The following KRT81 variants were observed in gnomAD, a reference collection of about 807,000 sequenced individuals.
KRT81 encodes the protein keratin, type II cuticular Hb1.
KRT81 carries 35 observed loss-of-function variants against 35.8 expected under a neutral mutation model. The ratio of observed to expected loss-of-function variants is 0.98; its 90% confidence interval spans 0.75 to 1.30. KRT81 has a LOEUF of 1.30. KRT81 is among the 50% of genes most tolerant of loss of function. The pLI is 0.00. For synonymous variants in KRT81, 249 were observed against 251.2 expected (o/e 0.99, Z 0.08); for missense variants, 531 against 577.4 (o/e 0.92, Z 0.82).
rs1937965135 is a variant in KRT81 at position 52,287,014 on chromosome 12, G to A, written c.1247+88C>T. ...AATAATAATATTTTTTTCCCCCAGAGCCCTGGCCATTGCTCAGCCAAGGCC... is the reference window on the plus strand; with the variant it reads ...AATAATAATATTTTTTTCCCCCAGAACCCTGGCCATTGCTCAGCCAAGGCC... On this transcript the variant is annotated intron_variant, in intron 7 of 8. Coordinates refer to ENST00000327741, the MANE Select transcript of KRT81 (RefSeq NM_002281.4). 4 of 1,606,486 alleles carry A rather than the reference G, an allele frequency of 2.5e-6. No individual in the cohort carries two copies. In the Admixed American group the frequency reaches 6.7e-5, roughly 27 times the overall value.
chr12:52,286,996 A>G (rs991354798), intron 7 of KRT81, 106 bp downstream of exon 7: 158 of 1,595,758 alleles, frequency 9.9e-5, no homozygotes, highest in Non-Finnish European at 1.2e-4. Flanking sequence ...GTGAATAATA[A>G]TATTTTTTTC....
intron 8 of KRT81, 43 bp downstream of exon 8, chr12:52,286,748 A>G (rs1014690630): frequency 6.3e-7 from 1 of 1,595,782 alleles, no homozygotes; most frequent in African/African-American, 1.3e-5. Flanking sequence ...CCTCCATCAC[A>G]GGTAGTTAGT....
intron 4 of KRT81, 98 bp downstream of exon 4, chr12:52,288,263 A>G: frequency 6.2e-7 from 1 of 1,600,914 alleles, no homozygotes; most frequent in Non-Finnish European, 8.5e-7. Context: ...ACACAGCCTC[A>G]GGGACTGCAA....
At chr12:52,286,638 C>A in intron 8 of KRT81, 145 bp from the exon 9 acceptor site, 10 of 1,176,252 alleles carry the variant, frequency 8.5e-6, no homozygotes, top group Non-Finnish European at 1.1e-5. Context: ...AGTCCAAGAG[C>A]TGGGGTCTTT....
intron 3 of KRT81, 61 bp from the exon 4 acceptor site, chr12:52,288,517 T>C (rs958053872): frequency 2.5e-6 from 4 of 1,582,850 alleles, no homozygotes; most frequent in Non-Finnish European, 3.5e-6. Context: ...CAGACTCCTC[T>C]CTCTGCCCAT....
rs1243535753 is a variant in KRT81, at chr12:52,291,393, A to G, written c.73T>C (p.Cys25Arg). ...CGGTAGGGGGCGGCGGTGATGCAGC[A>G]GCGGCCGGGCCGCGGCCCGCAGGCC... Reference protein sequence around the residue: ...ISACGPRPGRCCITAAPYRGI... With the variant: ...ISACGPRPGRRCITAAPYRGI... The change falls in exon 1 of 9, where the codon TGC becomes CGC. Residue 25 changes from cysteine to arginine, a missense_variant. This residue lies in a region of KRT81 where 133 missense variants were observed against 125.9 expected (regional missense o/e 1.06). Coordinates refer to ENST00000327741, the MANE Select transcript of KRT81 (RefSeq NM_002281.4). The G allele has an allele frequency of 6.2e-7, 1 of 1,608,756 alleles. No individual in the cohort carries two copies. Among genetic ancestry groups the G allele is most frequent in the African/African-American group, 1.3e-5 (1 of 74,952 alleles).
intron 6 of KRT81, 91 bp downstream of exon 6, chr12:52,287,505 T>C: frequency 6.2e-7 from 1 of 1,611,278 alleles, no homozygotes; most frequent in Non-Finnish European, 8.5e-7. Context: ...GGGTGGAGAA[T>C]GAATGCTGAG....
rs1260810932 is a variant in KRT81 at position 52,286,984 on chromosome 12, A to C, written c.1247+118T>G. 9 of 1,579,262 alleles carry C rather than the reference A, an allele frequency of 5.7e-6. No individual in the cohort carries two copies. In the Admixed American group the frequency reaches 1.4e-4, roughly 24 times the overall value. ...CACACACCAGCCCTCCCCACACCGG[A>C]AGTGAATAATAATATTTTTTTCCCC... is the stretch of plus-strand genomic sequence containing the variant. On this transcript the variant is annotated intron_variant, in intron 7 of 8. Transcript: ENST00000327741.
At position 52,286,470 on chromosome 12, in the gene KRT81, C is replaced by T. The variant is rs768915549; in HGVS notation, c.1303G>A (p.Val435Ile). Reference protein sequence around the residue: ...NVCVSSSRGGVVCGDLCVSGS... With the variant: ...NVCVSSSRGGIVCGDLCVSGS... ...GACACGCAGAGGTCCCCGCACACGA[C>T]CCCGCCCCGGGAGCTGCTGACACCT... Residue 435 changes from valine (V) to isoleucine (I), a missense_variant, in exon 9 of 9, where the codon GTC (valine) becomes ATC (isoleucine). Val to Ile is a conservative substitution (Grantham distance 29). Coordinates refer to ENST00000327741, the MANE Select transcript of KRT81 (RefSeq NM_002281.4). 3 of 1,552,420 alleles carry T rather than the reference C, an allele frequency of 1.9e-6. No homozygotes were observed. The South Asian group carries it at 3.6e-5, about 18-fold the overall frequency.
intron 7 of KRT81, 117 bp from the exon 8 acceptor site, chr12:52,286,939 C>T: frequency 1.3e-6 from 2 of 1,512,820 alleles, no homozygotes; most frequent in South Asian, 2.3e-5. Context: ...TCTGAGGGAA[C>T]AGCTTGCCTC....
At position 52,291,251 on chromosome 12, in the gene KRT81, C is replaced by A. The variant is rs1938108181; in HGVS notation, c.215G>T (p.Gly72Val). 1 of 1,514,578 alleles carries A rather than the reference C, an allele frequency of 6.6e-7. No homozygotes were observed. 93.8% of individuals were successfully genotyped at this position (1,514,578 alleles called of 1,614,324 possible). ...GGTGGTGATGCATGGGGGACTGGGC[C>A]CGCACACGCCCCCGGAGCGGTAGCC... ...SFGYRSGGVCGPSPPCITTVS... is the reference protein window; with the variant it reads ...SFGYRSGGVCVPSPPCITTVS... Residue 72 changes from glycine (G) to valine (V), a missense_variant, in exon 1 of 9, where the codon GGG (glycine) becomes GTG (valine). By Grantham distance (109) the Gly-to-Val change is moderately radical. Coordinates refer to ENST00000327741, the MANE Select transcript of KRT81 (RefSeq NM_002281.4).
intron 7 of KRT81, 32 bp from the exon 8 acceptor site, chr12:52,286,854 T>C (rs1159063217): frequency 6.2e-7 from 1 of 1,612,814 alleles, no homozygotes; most frequent in Non-Finnish European, 8.5e-7. Context: ...GCAACATTAG[T>C]GACTGCCCCA....
chr12:52,289,048 C>G (rs1484099652), intron 3 of KRT81, among the ~76,000 whole-genome samples, 167 bp downstream of exon 3: 1 of 113,922 alleles, frequency 8.8e-6, no homozygotes, highest in East Asian at 2.5e-4. Flanking sequence ...TGCCCTTTGT[C>G]AAGGCCCTGG....
At chr12:52,287,507 A>G (rs1937986374) in intron 6 of KRT81, 89 bp downstream of exon 6, 6 of 1,611,662 alleles carry the variant, frequency 3.7e-6, no homozygotes, top group Non-Finnish European at 8.5e-7. Flanking sequence ...GTGGAGAATG[A>G]ATGCTGAGAT....
intron 3 of KRT81, among the ~76,000 whole-genome samples, 183 bp downstream of exon 3, chr12:52,289,022 GATATTCCCAA>G (rs1413817421): frequency 1.6e-5 from 2 of 126,690 alleles, no homozygotes; most frequent in East Asian, 4.6e-4. Context: ...GGTGCTGGTA[GATATTCCCAA>G]GTCATTGCCC....
At chr12:52,286,554 A>T (rs770792713) in intron 8 of KRT81, 61 bp from the exon 9 acceptor site, 134 of 1,496,362 alleles carry the variant, frequency 9.0e-5, no homozygotes, top group Non-Finnish European at 1.2e-4. Flanking sequence ...CTTCCTGACA[A>T]CCGCCCCTGC....
chr12:52,286,199 G>T lies in KRT81; in HGVS notation c.*56C>A. ...TGCTCCAGGCGCCTGGACTGGATGG[G>T]CCAAGCAAGGCAGGGCAGGAAAGAT... On this transcript the variant is annotated 3_prime_UTR_variant, in exon 9 of 9. Coordinates refer to ENST00000327741, the MANE Select transcript of KRT81 (RefSeq NM_002281.4). The T allele has an allele frequency of 6.9e-7, 1 of 1,454,126 alleles. No homozygotes were observed. The highest frequency in any genetic ancestry group is 9.4e-7 in the Non-Finnish European group (1 of 1,059,300). The allele number at this position is 1,454,126 out of a possible 1,614,324, so 90.1% of individuals were successfully genotyped here.
chr12:52,288,402 G>C lies in KRT81; in HGVS notation c.694C>G (p.Leu232Val), dbSNP rs1239280161. 4 of 1,614,150 alleles carry C rather than the reference G, an allele frequency of 2.5e-6. No homozygotes were observed. The Admixed American group carries it at 6.7e-5, about 27-fold the overall frequency. Residue 232 changes from leucine to valine, a missense_variant, in exon 4 of 9, where the codon CTG (leucine) becomes GTG (valine). Physicochemically the swap from Leu to Val is conservative, Grantham distance 32. Around this residue, in one of 5 missense-constraint regions of KRT81, gnomAD observed 194 missense variants for 198.2 expected, o/e 0.98. Transcript: ENST00000327741. ...KSDLEANVEA[L>V]IQEIDFLRRL... ...CTCAGGAAGTCGATCTCCTGGATCA[G>C]GGCCTCCACGTTGGCCTCCAGGTCT...
rs1937986921 is a variant in KRT81, at chr12:52,287,524, A to G, written c.1026+72T>C. On this transcript the variant is annotated intron_variant, in intron 6 of 8. Coordinates refer to ENST00000327741, the MANE Select transcript of KRT81 (RefSeq NM_002281.4). ...GGAGAATGAATGCTGAGATCCAGGT[A>G]GGGCACACATAGGCTGTGTGACAAT... 6 of 1,612,276 alleles carry G rather than the reference A, an allele frequency of 3.7e-6. No individual in the cohort carries two copies. The Admixed American group carries it at 8.3e-5, about 22-fold the overall frequency.
Sources: gnomAD v4.1 joint callset for allele counts (sites outside exome capture counted in the v4.1 genomes callset) on GRCh38, gnomAD v4.1.1 for gene constraint, gnomAD v4.1.1 regional missense constraint, MANE v1.5 for transcripts, NCBI Gene and HGNC (gene_info 2026-07-23, HGNC 2026-07-21) for gene names.